The following L3MBTL1 variants were observed in gnomAD, a reference collection of about 807,000 sequenced individuals.
L3MBTL1 encodes the protein lethal(3)malignant brain tumor-like protein 1.
A neutral mutation model predicts 105.3 loss-of-function variants in L3MBTL1; 75 were observed. The ratio of observed to expected loss-of-function variants is 0.71; its 90% confidence interval spans 0.59 to 0.86. The LOEUF (loss-of-function observed/expected upper bound fraction) is 0.86. Ranked by LOEUF, L3MBTL1 falls within the 40% of genes least tolerant of loss-of-function variation. The probability of loss-of-function intolerance (pLI) is 0.00; values close to 1 mark genes in which losing one functional copy is unlikely to be tolerated. For missense variants in L3MBTL1, 1,069 were observed against 1,126.4 expected, an observed-to-expected ratio of 0.95 and a Z score of 0.73; for synonymous variants, 452 against 436.2, an observed-to-expected ratio of 1.04 and a Z score of -0.45.
downstream of L3MBTL1, among the ~76,000 whole-genome samples, chr20:43,545,328 G>A (rs938030847): frequency 2.0e-5 from 3 of 150,712 alleles, no homozygotes; most frequent in African/African-American, 4.9e-5. Context: ...TCATGCCACC[G>A]TACTCCAGCC....
intron 1 of L3MBTL1, among the ~76,000 whole-genome samples, chr20:43,508,673 G>T (rs2018051048): frequency 6.6e-6 from 1 of 152,244 alleles, no homozygotes; most frequent in South Asian, 2.1e-4. Context: ...TACAATGGTT[G>T]TTTTAGGTCG....
chr20:43,520,297 A>G lies in L3MBTL1; in HGVS notation c.862+4120A>G, dbSNP rs185009901. ...GCATACCACACTTTGTTTATTCATC[A>G]GTTGATGGACATATGGATTGCTTCT... On this transcript the variant is annotated intron_variant, in intron 7 of 21. Transcript: ENST00000418998. 6.6e-5 allele frequency among the ~76,000 whole-genome samples: 10 copies of G among 152,342 alleles called. No homozygotes were observed. In the East Asian group the frequency reaches 1.7e-3, roughly 26 times the overall value.
At chr20:43,522,583 C>T (rs1366642395) in intron 7 of L3MBTL1, among the ~76,000 whole-genome samples, 1 of 147,348 alleles carries the variant, frequency 6.8e-6, no homozygotes, top group East Asian at 2.1e-4. Flanking sequence ...AGCCATCCTC[C>T]CTCCTTAGCC....
intron 7 of L3MBTL1, among the ~76,000 whole-genome samples, chr20:43,525,201 G>T (rs1362493630): frequency 6.6e-6 from 1 of 152,028 alleles, no homozygotes; most frequent in African/African-American, 2.4e-5. Context: ...ATTGACTAGG[G>T]TAACGAATAC....
chr20:43,542,303 T>G (rs1044700588), downstream of L3MBTL1, among the ~76,000 whole-genome samples: 1 of 152,184 alleles, frequency 6.6e-6, no homozygotes, highest in Non-Finnish European at 1.5e-5. Context: ...TTGAGCTGTG[T>G]GTGGTGGAGC....
chr20:43,539,887 G>C, intron 19 of L3MBTL1: 1 of 563,452 alleles, frequency 1.8e-6, no homozygotes, highest in Non-Finnish European at 3.2e-6. Context: ...GCCCAGGGTG[G>C]TGCAGCCTCA....
chr20:43,532,723 G>A, intron 11 of L3MBTL1, 50 bp from the exon 12 acceptor site: 2 of 1,608,292 alleles, frequency 1.2e-6, no homozygotes, highest in African/African-American at 1.3e-5. Flanking sequence ...GCTCTGGGCT[G>A]GTCTTAGCCA....
At chr20:43,513,450 C>T (rs974845157) in intron 1 of L3MBTL1, 26 bp from the exon 2 acceptor site, 2 of 1,540,018 alleles carry the variant, frequency 1.3e-6, no homozygotes, top group African/African-American at 2.7e-5. Flanking sequence ...CACCTGATCA[C>T]CCTGGGGGCT....
intron 7 of L3MBTL1, among the ~76,000 whole-genome samples, chr20:43,524,634 T>G (rs556305715): frequency 6.6e-6 from 1 of 151,596 alleles, no homozygotes; most frequent in South Asian, 2.1e-4. Flanking sequence ...CCATCCATCC[T>G]TATAGTCATT....
At chr20:43,522,326 G>A (rs1054263095) in intron 7 of L3MBTL1, among the ~76,000 whole-genome samples, 1 of 152,058 alleles carries the variant, frequency 6.6e-6, no homozygotes, top group Non-Finnish European at 1.5e-5. Flanking sequence ...CTGCACTCCA[G>A]TCTGGGCGAC....
At chr20:43,547,710 A>T (rs1194589349) in intron 18 of L3MBTL1, among the ~76,000 whole-genome samples, 1 of 152,178 alleles carries the variant, frequency 6.6e-6, no homozygotes, top group Non-Finnish European at 1.5e-5. Context: ...TGTTAGCAGC[A>T]CTAAGGTTGA....
intron 20 of L3MBTL1, 132 bp from the exon 21 acceptor site, chr20:43,540,621 C>G: frequency 1.1e-6 from 1 of 891,768 alleles, no homozygotes; most frequent in South Asian, 1.7e-5. Flanking sequence ...GCATAGAAAC[C>G]CTAGGATCCT....
intron 15 of L3MBTL1, 79 bp from the exon 16 acceptor site, chr20:43,534,749 C>A (rs1418767153): frequency 2.0e-6 from 2 of 994,404 alleles, no homozygotes; most frequent in Admixed American, 4.5e-5. Flanking sequence ...CTGACAGGTC[C>A]CAGGGATGGG....
At position 43,514,033 on chromosome 20, in the gene L3MBTL1, C is replaced by CGGGG; in HGVS notation, c.334_335insGGGG (p.Ala112GlyfsTer17). The CGGGG allele has an allele frequency of 2.6e-6, 4 of 1,536,246 alleles. No individual in the cohort carries two copies. The highest frequency in any genetic ancestry group is 3.5e-6 in the Non-Finnish European group (4 of 1,146,522). Reference sequence around the variant, plus strand: ...CGGCTTCTGGAATGGACAGAGGCCGCGGCCCCGCCCCCAGGGGGCGGCCTG... The same window carrying CGGGG: ...CGGCTTCTGGAATGGACAGAGGCCGCGGGGGGCCCCGCCCCCAGGGGGCGGCCTG... On this transcript the variant is annotated frameshift_variant, in exon 3 of 22. Coordinates refer to ENST00000418998, the MANE Select transcript of L3MBTL1 (RefSeq NM_001377303.1). LOFTEE classifies it high-confidence loss of function.
chr20:43,515,957 C>T (rs752347620), intron 6 of L3MBTL1, 136 bp from the exon 7 acceptor site: 22 of 634,998 alleles, frequency 3.5e-5, no homozygotes, highest in Admixed American at 1.3e-4. Context: ...CTCCTGCTGG[C>T]GGCCTAGAAG....
chr20:43,534,787 C>T (rs1313003580), intron 15 of L3MBTL1, 41 bp from the exon 16 acceptor site: 2 of 1,461,916 alleles, frequency 1.4e-6, no homozygotes, highest in South Asian at 1.2e-5. Flanking sequence ...GAGCTGGGCT[C>T]CATGAGAAAC....
chr20:43,530,565 ACT>A (rs1234945623), intron 10 of L3MBTL1, 146 bp downstream of exon 10: 14 of 989,182 alleles, frequency 1.4e-5, no homozygotes, highest in South Asian at 1.3e-4. Context: ...CATCCTGATG[ACT>A]CTGCGCTGGG....
At chr20:43,538,670 T>G (rs1363663992) in intron 19 of L3MBTL1, among the ~76,000 whole-genome samples, 1 of 152,232 alleles carries the variant, frequency 6.6e-6, no homozygotes. Flanking sequence ...TGAGGAGCCA[T>G]GTCTGACCTG....
chr20:43,530,340 C>A lies in L3MBTL1; in HGVS notation c.1113C>A (p.Phe371Leu), dbSNP rs764503736. The A allele has an allele frequency of 6.2e-7, 1 of 1,614,148 alleles. No homozygotes were observed. The highest frequency in any genetic ancestry group is 1.1e-5 in the South Asian group (1 of 91,080). Residue 371 changes from phenylalanine to leucine, a missense_variant, in exon 10 of 22, where the codon TTC (phenylalanine) becomes TTA (leucine). Physicochemically the swap from Phe to Leu is conservative, Grantham distance 22. Coordinates refer to ENST00000418998, the MANE Select transcript of L3MBTL1 (RefSeq NM_001377303.1). ...ATGGGTATTCTGAGTGCCATGACTT[C>A]TGGGTCAATGCCAACTCCCCTGACA... ...HFDGYSECHD[F>L]WVNANSPDIH...
Sources: allele counts gnomAD v4.1 joint callset (sites outside exome capture counted in the v4.1 genomes callset), GRCh38; gene constraint gnomAD v4.1.1; transcripts MANE v1.5; gene names NCBI Gene and HGNC (gene_info 2026-07-23, HGNC 2026-07-21).